ERCC5: variants seen among roughly 807,000 people sequenced by gnomAD.
ERCC5 encodes the protein DNA excision repair protein ERCC-5.
A neutral mutation model predicts 105.6 loss-of-function variants in ERCC5; 68 were observed. The ratio of observed to expected loss-of-function variants is 0.64; its 90% CI spans 0.53 to 0.79. The LOEUF (loss-of-function observed/expected upper bound fraction) is 0.79. Among genes scored for constraint, ERCC5 ranks in the 30% least tolerant of loss-of-function variants. The pLI, the probability that ERCC5 is intolerant of heterozygous loss-of-function variation, is 0.00. For synonymous variants in ERCC5, 546 were observed against 526.2 expected, an observed-to-expected ratio of 1.04 and a Z score of -0.51; for missense variants, 1,373 against 1,426.7, an observed-to-expected ratio of 0.96 and a Z score of 0.61.
At position 102,872,304 on chromosome 13, in the gene ERCC5, A is replaced by G; in HGVS notation, c.2785A>G (p.Asn929Asp). 1 of 1,614,156 alleles carries G rather than the reference A, an allele frequency of 6.2e-7. No homozygotes were observed. Among genetic ancestry groups the G allele is most frequent in the Non-Finnish European group, 8.5e-7 (1 of 1,180,022 alleles). ...ATTGCAACTCACCCCTGGCTTTCCT[A>G]ACCCAGCTGTTGCCGAGGCCTACCT... is the stretch of plus-strand genomic sequence containing the variant. ...RTLQLTPGFP[N>D]PAVAEAYLKP... Residue 929 changes from asparagine (N) to aspartate (D), a missense_variant, in exon 13 of 15, where the codon AAC becomes GAC. Asn to Asp is a conservative substitution (Grantham distance 23). Transcript: ENST00000652225.
intron 8 of ERCC5, among the ~76,000 whole-genome samples, chr13:102,864,126 C>CCACCCACACACACACACACA (rs1882748928): frequency 7.1e-6 from 1 of 140,918 alleles, no homozygotes; most frequent in Admixed American, 7.2e-5. Flanking sequence ...AGAGAATCAA[C>CCACCCACACACACACACACA]CACACACACA....
At position 102,866,754 on chromosome 13, in the gene ERCC5, GC is replaced by G; in HGVS notation, c.2443del (p.Leu815CysfsTer18). 5 of 1,614,250 alleles carry G rather than the reference GC, an allele frequency of 3.1e-6. No homozygotes were observed. Among genetic ancestry groups the G allele is most frequent in the Non-Finnish European group, 4.2e-6 (5 of 1,180,044 alleles). On this transcript the variant is annotated frameshift_variant, in exon 11 of 15. Transcript: ENST00000652225. LOFTEE classifies it high-confidence loss of function. ...GTITDDSDIW[L>X]FGARHVYRNF... ...CCATCACTGATGACAGTGATATCTG[GC>G]TGTTTGGAGCGCGGCATGTCTATAG...
chr13:102,875,577 A>G lies in ERCC5; in HGVS notation c.3235A>G (p.Lys1079Glu), dbSNP rs780960649. 6 of 1,612,786 alleles carry G rather than the reference A, an allele frequency of 3.7e-6. No homozygotes were observed. In the African/African-American group the frequency reaches 8.0e-5, roughly 22 times the overall value. ...SLKRKRLSDS[K>E]GKNTCGGFLG... Reference sequence around the variant, plus strand: ...GAAAAGAAAGAGGCTTTCAGATTCTAAAGGAAAGAATACATGCGGTGGATT... The same window carrying G: ...GAAAAGAAAGAGGCTTTCAGATTCTGAAGGAAAGAATACATGCGGTGGATT... Residue 1079 changes from lysine to glutamate, a missense_variant, in exon 15 of 15, where the codon AAA becomes GAA. Around this residue, in one of 3 missense-constraint regions of ERCC5, gnomAD observed 367 missense variants for 350.2 expected, o/e 1.05. Transcript: ENST00000652225.
rs1223787459 is a variant in ERCC5, at chr13:102,862,141, CAG to C, written c.996_997del (p.Lys333ArgfsTer3). On this transcript the variant is annotated frameshift_variant, in exon 8 of 15. Coordinates refer to ENST00000652225, the MANE Select transcript of ERCC5 (RefSeq NM_000123.4). LOFTEE classifies it high-confidence loss of function. ...TCATCTCCATGTGAAAAACTGAAGA[CAG>C]AGAAAGAGCCTGATGCTACCCCTCC... The C allele has an allele frequency of 8.1e-6, 13 of 1,614,062 alleles. No homozygotes were observed. The highest frequency in any genetic ancestry group is 1.1e-5 in the Non-Finnish European group (13 of 1,180,038).
At chr13:102,863,567 A>G (rs1343715282) in intron 8 of ERCC5, among the ~76,000 whole-genome samples, 6 of 152,068 alleles carry the variant, frequency 3.9e-5, no homozygotes, top group Non-Finnish European at 8.8e-5. Context: ...ATTGATCCTC[A>G]TTATTTGTAG....
intron 13 of ERCC5, 90 bp from the exon 14 acceptor site, chr13:102,873,169 A>G: frequency 8.7e-6 from 13 of 1,487,010 alleles, no homozygotes; most frequent in Non-Finnish European, 1.2e-5. Context: ...AGATACAGGG[A>G]ATGGAATCAA....
chr13:102,867,128 G>A (rs539780231), intron 11 of ERCC5, among the ~76,000 whole-genome samples: 51 of 152,336 alleles, frequency 3.3e-4, no homozygotes, highest in Non-Finnish European at 6.9e-4. Flanking sequence ...GTGGAGAGGG[G>A]AAGCAGGCCG....
At chr13:102,858,237 A>C in intron 5 of ERCC5, 38 bp from the exon 6 acceptor site, 1 of 1,613,800 alleles carries the variant, frequency 6.2e-7, no homozygotes, top group Middle Eastern at 1.6e-4. Context: ...AAGTGTATGA[A>C]ATGTAAATTT....
rs1302460720 is a variant in ERCC5, at chr13:102,866,811, A to G, written c.2499A>G (p.Glu833=). 6.2e-7 allele frequency: 1 copy of G among 1,613,122 alleles called. No individual in the cohort carries two copies. Among genetic ancestry groups the G allele is most frequent in the East Asian group, 2.2e-5 (1 of 44,832 alleles). ...RNFFNKNKFV[E]YYQYVDFHNQ... is the part of the protein sequence containing the mutation. ...TTTTTAATAAAAACAAGTTTGTAGA[A>G]TATTATCAATATGTGGACTTTCACA... The change falls in exon 11 of 15, where the codon GAA becomes GAG. Residue 833 remains glutamate, a synonymous_variant. Transcript: ENST00000652225.
Position 102,865,471 on chromosome 13 carries a change from G to T in ERCC5, c.1955-196G>T. ...AGTGCCAGTTTACCTAATTGAAAAG[G>T]CTTGTTTTGAAGTTACAGGCATTTG... On this transcript the variant is annotated intron_variant, in intron 8 of 14. Transcript: ENST00000652225. The surrounding 1 kb of genome is among the most constrained non-coding windows in gnomAD (Gnocchi z 4.0). 2.9e-6 allele frequency: 2 copies of T among 686,906 alleles called. No individual in the cohort carries two copies. Among genetic ancestry groups the T allele is most frequent in the South Asian group, 1.9e-5 (1 of 52,688 alleles). 42.6% of individuals were successfully genotyped at this position (686,906 alleles called of 1,614,324 possible).
At chr13:102,867,678 C>T (rs957631437) in intron 11 of ERCC5, among the ~76,000 whole-genome samples, 28 of 152,088 alleles carry the variant, frequency 1.8e-4, no homozygotes, top group Admixed American at 1.8e-3. Context: ...AGAATGAAGT[C>T]GAGGAGGATT....
chr13:102,875,791 A>G lies in ERCC5; in HGVS notation c.3449A>G (p.Asp1150Gly), dbSNP rs149597229. The part of the protein sequence containing the change: ...NGGATTSSSS[D>G]SDDDGGKEKM... Reference sequence around the variant, plus strand: ...GGTGCGACCACCAGCAGCTCTAGTGATAGTGATGACGATGGAGGGAAAGAG... The same window carrying G: ...GGTGCGACCACCAGCAGCTCTAGTGGTAGTGATGACGATGGAGGGAAAGAG... The change falls in exon 15 of 15, where the codon GAT (aspartate) becomes GGT (glycine). Residue 1150 changes from aspartate (D) to glycine (G), a missense_variant. By Grantham distance (94) the Asp-to-Gly change is moderately conservative (BLOSUM62 -1). This residue lies in a region of ERCC5 where 367 missense variants were observed against 350.2 expected (regional missense o/e 1.05). Coordinates refer to ENST00000652225, the MANE Select transcript of ERCC5 (RefSeq NM_000123.4). The G allele has an allele frequency of 1.3e-5, 21 of 1,614,168 alleles. No homozygotes were observed. The African/African-American group carries it at 2.4e-4, about 18-fold the overall frequency.
In ERCC5 at chr13:102,849,691, G is replaced by A. The variant is rs566766536; in HGVS notation, c.89-2427G>A. On this transcript the variant is annotated intron_variant, in intron 1 of 14. Transcript: ENST00000652225. ...TGTATAAGAGTCCCTGTGAAAGGGA[G>A]TGCAGTGCACAAATTGCCCGGGCAA... 2.0e-5 allele frequency among the ~76,000 whole-genome samples: 3 copies of A among 152,298 alleles called. No individual in the cohort carries two copies. The South Asian group carries it at 6.2e-4, about 32-fold the overall frequency.
In ERCC5 at chr13:102,861,725, C is replaced by G. The variant is rs767489315; in HGVS notation, c.880+11C>G. ...ACATCTTGATAAAAGGTATCAGGCACCATCATTTATATATTTACATTAAAA... is the reference window on the plus strand; with the variant it reads ...ACATCTTGATAAAAGGTATCAGGCAGCATCATTTATATATTTACATTAAAA... On this transcript the variant is annotated intron_variant, in intron 7 of 14. Coordinates refer to ENST00000652225, the MANE Select transcript of ERCC5 (RefSeq NM_000123.4). The G allele has an allele frequency of 6.2e-7, 1 of 1,613,788 alleles. No homozygotes were observed. Among genetic ancestry groups the G allele is most frequent in the Non-Finnish European group, 8.5e-7 (1 of 1,179,886 alleles).
At chr13:102,864,385 A>G (rs1390930938) in intron 8 of ERCC5, among the ~76,000 whole-genome samples, 1 of 152,072 alleles carries the variant, frequency 6.6e-6, no homozygotes, top group Non-Finnish European at 1.5e-5. Flanking sequence ...ATCATTCCTT[A>G]TATATTATTA....
At position 102,865,741 on chromosome 13, in the gene ERCC5, C is replaced by T; in HGVS notation, c.2029C>T (p.Pro677Ser). The change falls in exon 9 of 15, where the codon CCC becomes TCC. Residue 677 changes from proline to serine, a missense_variant. This residue lies in a region of ERCC5 where 1,004 missense variants were observed against 1,059.7 expected (regional missense o/e 0.95). Transcript: ENST00000652225. The surrounding 1 kb of genome is among the most constrained non-coding windows in gnomAD (Gnocchi z 4.0). ...QAEFPETSKP[P>S]SEQGEEELVG... ...AGAATTCCCTGAAACTTCCAAACCT[C>T]CCTCAGAACAAGGCGAAGAGGAACT... The T allele has an allele frequency of 6.2e-7, 1 of 1,613,958 alleles. No homozygotes were observed. The highest frequency in any genetic ancestry group is 1.7e-4 in the Middle Eastern group (1 of 6,058).
At chr13:102,870,658 A>T (rs554905742) in intron 12 of ERCC5, among the ~76,000 whole-genome samples, 8 of 152,358 alleles carry the variant, frequency 5.3e-5, no homozygotes, top group Non-Finnish European at 2.9e-5. Context: ...CCTGGAAAGA[A>T]TGTTGTAAAA....
chr13:102,873,960 G>A (rs188281081), intron 14 of ERCC5, among the ~76,000 whole-genome samples: 1 of 152,274 alleles, frequency 6.6e-6, no homozygotes, highest in East Asian at 1.9e-4. Flanking sequence ...TGTAGCTTTT[G>A]TGATAATATA....
At chr13:102,850,065 A>G (rs975464967) in intron 1 of ERCC5, among the ~76,000 whole-genome samples, 4 of 151,540 alleles carry the variant, frequency 2.6e-5, no homozygotes, top group Admixed American at 6.6e-5. Context: ...CCTCAGCCTT[A>G]TAGGCACACG....
Sources: gnomAD v4.1 joint callset for allele counts (sites outside exome capture counted in the v4.1 genomes callset) on GRCh38, gnomAD v4.1.1 for gene constraint, gnomAD v4.1.1 regional missense constraint, Gnocchi (gnomAD v3.1) non-coding constraint, MANE v1.5 for transcripts, NCBI Gene and HGNC (gene_info 2026-07-23, HGNC 2026-07-21) for gene names.